The following DSCAM variants were observed in gnomAD, a reference collection of about 807,000 sequenced individuals.
DSCAM encodes DS cell adhesion molecule, also known as cell adhesion molecule DSCAM.
Under a neutral mutation model 217.7 loss-of-function variants are expected in DSCAM, and 47 were observed. The ratio of observed to expected loss-of-function variants is 0.22; its 90% CI spans 0.17 to 0.28. The LOEUF is 0.28. Among genes scored for constraint, DSCAM ranks in the 10% least tolerant of loss-of-function variants. The pLI is 1.00. For missense variants in DSCAM, 2,080 were observed against 2,618.3 expected (o/e 0.79, Z 4.49); for synonymous variants, 1,056 against 1,015.3 (o/e 1.04, Z -0.76).
At chr21:40,807,366 G>A (rs2091797394) in intron 1 of DSCAM, among the ~76,000 whole-genome samples, 1 of 152,102 alleles carries the variant, frequency 6.6e-6, no homozygotes, top group African/African-American at 2.4e-5. Flanking sequence ...TGGACACTAA[G>A]GAACCAGTTC....
intron 1 of DSCAM, among the ~76,000 whole-genome samples, chr21:40,846,316 C>G (rs1425447719): frequency 6.6e-6 from 1 of 152,048 alleles, no homozygotes; most frequent in Admixed American, 6.6e-5. Context: ...TGTCACCAAA[C>G]CTGGTTTATT....
rs1351841915 is a variant in DSCAM at position 40,012,085 on chromosome 21, G to T, written c.*949C>A. On this transcript the variant is annotated 3_prime_UTR_variant, in exon 33 of 33. Transcript: ENST00000400454. ...TCAATAAAACTTTATTTAAAAAACA[G>T]CAGGAGGCTGGATTTGGCCCATAGG... The T allele has an allele frequency of 6.6e-6, 1 of 151,540 alleles. No individual in the cohort carries two copies. Among genetic ancestry groups the T allele is most frequent in the African/African-American group, 2.4e-5 (1 of 41,074 alleles). The allele number at this position is 151,540 out of a possible 1,614,324, so 9.4% of individuals were successfully genotyped here. A position where few individuals can be genotyped will look rare whatever the true frequency, so the allele number is the denominator to read the frequency against.
chr21:40,182,673 G>C (rs112122575), intron 14 of DSCAM, among the ~76,000 whole-genome samples: 1 of 29,250 alleles, frequency 3.4e-5, no homozygotes, highest in African/African-American at 1.3e-4. Context: ...CGTGGACAGG[G>C]GGGGGTTACC....
chr21:40,171,540 C>T (rs2090657930), intron 15 of DSCAM, among the ~76,000 whole-genome samples: 1 of 151,372 alleles, frequency 6.6e-6, no homozygotes, highest in Non-Finnish European at 1.5e-5. Context: ...TGCCTGTTCC[C>T]TGAAGTGAAA....
chr21:40,342,948 AAT>A (rs1313115175), intron 6 of DSCAM, among the ~76,000 whole-genome samples: 1 of 151,506 alleles, frequency 6.6e-6, no homozygotes, highest in East Asian at 1.9e-4. Context: ...CTAATCCTTG[AAT>A]ATGGTATATC....
chr21:40,159,440 A>C (rs901024512), intron 16 of DSCAM, among the ~76,000 whole-genome samples: 9 of 152,202 alleles, frequency 5.9e-5, no homozygotes, highest in African/African-American at 2.2e-4. Context: ...ATAATGCTCA[A>C]TGCCATATTA....
In DSCAM at chr21:40,353,689, A is replaced by G. The variant is rs1186141704; in HGVS notation, c.710T>C (p.Met237Thr). The G allele has an allele frequency of 1.2e-6, 2 of 1,606,880 alleles. No homozygotes were observed. Among genetic ancestry groups the G allele is most frequent in the African/African-American group, 1.3e-5 (1 of 74,454 alleles). ...ILDGFDHRKA[M>T]AGQRVELPCK... The stretch of plus-strand genomic sequence containing the variant: ...AGGCAGCTCCACACGCTGCCCAGCC[A>G]TGGCTTTGCGATGGTCAAACCCATC... Residue 237 changes from methionine (M) to threonine (T), a missense_variant, in exon 5 of 33, where the codon ATG becomes ACG. By Grantham distance (81) the Met-to-Thr change is moderately conservative. Transcript: ENST00000400454.
At chr21:40,635,276 G>C (rs2089742772) in intron 3 of DSCAM, among the ~76,000 whole-genome samples, 1 of 152,182 alleles carries the variant, frequency 6.6e-6, no homozygotes, top group Non-Finnish European at 1.5e-5. Flanking sequence ...CAGCAGGAGG[G>C]AAAAGGACAG....
chr21:40,379,051 A>C (rs1008307327), intron 3 of DSCAM, among the ~76,000 whole-genome samples: 1 of 152,246 alleles, frequency 6.6e-6, no homozygotes, highest in Non-Finnish European at 1.5e-5. Context: ...AAGTGGTTAC[A>C]TAACAATCTG....
At chr21:40,087,447 T>C (rs1374779588) in intron 21 of DSCAM, among the ~76,000 whole-genome samples, 160 bp from the exon 22 acceptor site, 4 of 152,230 alleles carry the variant, frequency 2.6e-5, no homozygotes, top group African/African-American at 9.6e-5. Flanking sequence ...TTATGAGGAA[T>C]TGTCATTGTA....
At chr21:40,083,030 C>T (rs891363160) in intron 24 of DSCAM, among the ~76,000 whole-genome samples, 85 of 152,210 alleles carry the variant, frequency 5.6e-4, no homozygotes, top group African/African-American at 1.9e-3. Context: ...TCTCTCTCCC[C>T]GGCCCTGGGA....
rs869239926 is a variant in DSCAM at position 40,674,626 on chromosome 21, C to CT, written c.508+18183dup. 9.5e-3 allele frequency among the ~76,000 whole-genome samples: 1,006 copies of CT among 105,756 alleles called. 16 individuals are homozygous for CT. Among genetic ancestry groups the CT allele is most frequent in the Non-Finnish European group, 0.013 (712 of 54,082 alleles). 69.4% of individuals were successfully genotyped at this position (105,756 alleles called of 152,430 possible). On this transcript the variant is annotated intron_variant, in intron 3 of 32. Coordinates refer to ENST00000400454, the MANE Select transcript of DSCAM (RefSeq NM_001389.5). ...TTAAAGGTATTTTCTTTTTCTTTTTCTTTTTCTTTTTTTTTTTTTTTTTTG... is the reference window on the plus strand; with the variant it reads ...TTAAAGGTATTTTCTTTTTCTTTTTCTTTTTTCTTTTTTTTTTTTTTTTTTG...
At chr21:40,090,806 C>T (rs2089599008) in intron 21 of DSCAM, among the ~76,000 whole-genome samples, 1 of 152,192 alleles carries the variant, frequency 6.6e-6, no homozygotes, top group African/African-American at 2.4e-5. Context: ...GGACATGCCT[C>T]AGTGCACAGA....
intron 3 of DSCAM, among the ~76,000 whole-genome samples, chr21:40,637,166 AAT>A (rs1395309983): frequency 3.5e-5 from 1 of 28,388 alleles, no homozygotes; most frequent in Non-Finnish European, 6.2e-5. Context: ...TATAAATATA[AAT>A]ATATATATAA....
At chr21:40,662,424 G>C (rs2090148506) in intron 3 of DSCAM, among the ~76,000 whole-genome samples, 1 of 152,134 alleles carries the variant, frequency 6.6e-6, no homozygotes, top group African/African-American at 2.4e-5. Context: ...ACATACAGGA[G>C]CGTCCTATTT....
chr21:40,033,868 C>T (rs2088583067), intron 32 of DSCAM, among the ~76,000 whole-genome samples: 3 of 138,178 alleles, frequency 2.2e-5, no homozygotes, highest in Middle Eastern at 3.6e-3. Context: ...GGGTCCCTGA[C>T]CCCGGACCCC....
At chr21:40,508,651 C>T (rs569586284) in intron 3 of DSCAM, among the ~76,000 whole-genome samples, 2 of 149,570 alleles carry the variant, frequency 1.3e-5, no homozygotes, top group South Asian at 2.1e-4. Flanking sequence ...TCTCAGTAGC[C>T]TCAAACTCCT....
intron 19 of DSCAM, among the ~76,000 whole-genome samples, chr21:40,133,521 T>G (rs2090174856): frequency 3.9e-5 from 6 of 152,082 alleles, no homozygotes; most frequent in African/African-American, 1.4e-4. Flanking sequence ...ACTAAAATTA[T>G]TCTAACAAGA....
intron 3 of DSCAM, among the ~76,000 whole-genome samples, chr21:40,502,173 G>A (rs963224357): frequency 9.9e-5 from 15 of 151,996 alleles, no homozygotes; most frequent in African/African-American, 3.6e-4. Flanking sequence ...TTAGTACTGT[G>A]ACTTCATCAT....
Sources: gnomAD v4.1 joint callset for allele counts (sites outside exome capture counted in the v4.1 genomes callset) on GRCh38, gnomAD v4.1.1 for gene constraint, MANE v1.5 for transcripts, NCBI Gene and HGNC (gene_info 2026-07-23, HGNC 2026-07-21) for gene names.